Variants in ZZEF1 observed in about 807,000 individuals in gnomAD.
ZZEF1 encodes zinc finger ZZ-type and EF-hand domain containing 1, also known as zinc finger ZZ-type and EF-hand domain-containing protein 1.
ZZEF1 carries 157 observed loss-of-function variants against 342.8 expected under a neutral mutation model. The observed-to-expected ratio is 0.46, with a 90% confidence interval of 0.40 to 0.52. ZZEF1 has a LOEUF of 0.52. ZZEF1 is among the 20% of genes least tolerant of loss of function. The probability of loss-of-function intolerance (pLI) is 0.00; values close to 1 mark genes in which losing one functional copy is unlikely to be tolerated. For missense variants in ZZEF1, 3,480 were observed against 3,725.6 expected, an observed-to-expected ratio of 0.93 and a Z score of 1.72; for synonymous variants, 1,505 against 1,429.1, an observed-to-expected ratio of 1.05 and a Z score of -1.20.
intron 3 of ZZEF1, 99 bp downstream of exon 3, chr17:4,116,873 C>T: frequency 3.1e-6 from 4 of 1,275,722 alleles, no homozygotes; most frequent in Non-Finnish European, 4.3e-6. Context: ...TCTGTATTTT[C>T]AGAAATGAAG....
chr17:4,021,377 C>T, intron 44 of ZZEF1, 57 bp from the exon 45 acceptor site: 2 of 1,422,542 alleles, frequency 1.4e-6, no homozygotes, highest in Non-Finnish European at 1.9e-6. Flanking sequence ...GAAGATGGTA[C>T]AGTCCTTTAA....
chr17:4,095,869 T>C lies in ZZEF1; in HGVS notation c.1875A>G (p.Lys625=), dbSNP rs759908141. 2.5e-6 allele frequency: 4 copies of C among 1,613,524 alleles called. No individual in the cohort carries two copies. The highest frequency in any genetic ancestry group is 3.4e-6 in the Non-Finnish European group (4 of 1,179,678). Residue 625 remains lysine, a synonymous_variant, in exon 11 of 55, where the codon AAA becomes AAG. Transcript: ENST00000381638. ...ATTGCCTGAGCTCCTGAAGCTTCCA[T>C]TTGTCATATTTTTCAAACCTTTTGA... ...EHFKRFEKYD[K]WKLQELRQFV... is the part of the protein sequence containing the mutation.
chr17:4,114,159 C>G (rs2058357310), intron 4 of ZZEF1, 140 bp downstream of exon 4: 1 of 565,558 alleles, frequency 1.8e-6, no homozygotes, highest in African/African-American at 1.9e-5. Flanking sequence ...AATATATAAG[C>G]CAGGTTACAT....
rs1156874962 is a variant in ZZEF1 at position 4,005,337 on chromosome 17, G to C, written c.*1553C>G. ...CAGCACCTGCCTATTCAGGTCCCAA[G>C]CCACAGGAACCAGGCCAGGCCTTTC... On this transcript the variant is annotated 3_prime_UTR_variant, in exon 55 of 55. Transcript: ENST00000381638. 1 of 152,422 alleles carries C rather than the reference G, an allele frequency of 6.6e-6. No homozygotes were observed. Among genetic ancestry groups the C allele is most frequent in the Non-Finnish European group, 1.5e-5 (1 of 68,192 alleles). The allele number at this position is 152,422 out of a possible 1,614,324, so 9.4% of individuals were successfully genotyped here.
chr17:4,078,085 A>G (rs2057657781), intron 18 of ZZEF1, 43 bp from the exon 19 acceptor site: 1 of 1,591,628 alleles, frequency 6.3e-7, no homozygotes, highest in Non-Finnish European at 8.6e-7. Flanking sequence ...TGACAAGGCC[A>G]TTCACAGAGC....
At chr17:4,082,415 T>C in intron 17 of ZZEF1, 22 bp downstream of exon 17, 2 of 1,612,872 alleles carry the variant, frequency 1.2e-6, no homozygotes, top group Non-Finnish European at 1.7e-6. Context: ...TATCCGACAA[T>C]TAAAAAGAAC....
rs908526626 is a variant in ZZEF1 at position 4,050,005 on chromosome 17, C to A, written c.5864-146G>T. 1.2e-5 allele frequency: 10 copies of A among 854,950 alleles called. No individual in the cohort carries two copies. In the African/African-American group the frequency reaches 1.6e-4, roughly 13 times the overall value. 53.0% of individuals were successfully genotyped at this position (854,950 alleles called of 1,614,324 possible). On this transcript the variant is annotated intron_variant, in intron 36 of 54. Transcript: ENST00000381638. The stretch of plus-strand genomic sequence containing the variant: ...ATCCTAGAGGACTCAACGTGAACAT[C>A]CCTCGCTGTCTAAATCTACTCAGCT...
chr17:4,119,394 T>C (rs955837523), intron 2 of ZZEF1, among the ~76,000 whole-genome samples: 18 of 152,216 alleles, frequency 1.2e-4, no homozygotes, highest in African/African-American at 4.3e-4. Flanking sequence ...GTTTCTGATT[T>C]ACTATTTTTC....
chr17:4,036,149 T>A (rs2056657893), intron 39 of ZZEF1, among the ~76,000 whole-genome samples: 1 of 151,086 alleles, frequency 6.6e-6, no homozygotes, highest in Non-Finnish European at 1.5e-5. Context: ...AGCAGAGATG[T>A]GAGACTGATC....
chr17:4,055,126 G>T (rs908106029), intron 33 of ZZEF1, among the ~76,000 whole-genome samples: 2 of 152,164 alleles, frequency 1.3e-5, no homozygotes, highest in East Asian at 1.9e-4. Flanking sequence ...TGCTTTACTG[G>T]AAAGTACTTG....
intron 44 of ZZEF1, 149 bp downstream of exon 44, chr17:4,022,560 A>G (rs765635085): frequency 6.5e-6 from 7 of 1,072,564 alleles, no homozygotes; most frequent in Non-Finnish European, 9.4e-6. Flanking sequence ...CCTATTTCCA[A>G]CAGGGAATAC....
intron 45 of ZZEF1, among the ~76,000 whole-genome samples, chr17:4,020,219 C>CA (rs1224174677): frequency 1.3e-5 from 2 of 152,132 alleles, no homozygotes; most frequent in Non-Finnish European, 2.9e-5. Flanking sequence ...ACTGAGTACC[C>CA]AAAAGCGTAG....
At position 4,034,660 on chromosome 17, in the gene ZZEF1, T is replaced by C. The variant is rs546293514; in HGVS notation, c.6307-368A>G. On this transcript the variant is annotated intron_variant, in intron 39 of 54. Coordinates refer to ENST00000381638, the MANE Select transcript of ZZEF1 (RefSeq NM_015113.4). ...GATAACAACTGTTAAGTGTGATGAA[T>C]AGTCTTTCAACCTTTTTCTATGCAT... Among the ~76,000 whole-genome samples, 8 of 152,316 alleles carry C rather than the reference T, an allele frequency of 5.3e-5. No homozygotes were observed. In the South Asian group the frequency reaches 1.2e-3, roughly 24 times the overall value.
chr17:4,098,477 A>G (rs1293211954), intron 9 of ZZEF1, among the ~76,000 whole-genome samples: 2 of 152,220 alleles, frequency 1.3e-5, no homozygotes, highest in Admixed American at 6.5e-5. Context: ...GTGTTCACTT[A>G]TATTTGTATG....
chr17:4,082,180 A>G (rs372355186), intron 17 of ZZEF1, among the ~76,000 whole-genome samples: 5 of 152,212 alleles, frequency 3.3e-5, no homozygotes, highest in Admixed American at 3.3e-4. Context: ...GTTGTTAAAC[A>G]TTACTTGGAA....
At position 4,016,978 on chromosome 17, in the gene ZZEF1, C is replaced by CCT. The variant is rs2056120196; in HGVS notation, c.8001+391_8001+392dup. On this transcript the variant is annotated intron_variant, in intron 48 of 54. Coordinates refer to ENST00000381638, the MANE Select transcript of ZZEF1 (RefSeq NM_015113.4). This position sits in a 1 kb window ranked among gnomAD's most constrained non-coding sequence, Gnocchi z 4.4. ...GCAGGGCTGCAAGGCCGGGAAAAGACCTCGAGGTCTGGTGGTGTTCTCAGA... is the reference window on the plus strand; with the variant it reads ...GCAGGGCTGCAAGGCCGGGAAAAGACCTCTCGAGGTCTGGTGGTGTTCTCAGA... The CCT allele has an allele frequency of 5.0e-6, 1 of 201,706 alleles. No homozygotes were observed. The highest frequency in any genetic ancestry group is 2.3e-5 in the African/African-American group (1 of 43,050). 12.5% of individuals were successfully genotyped at this position (201,706 alleles called of 1,614,324 possible).
In ZZEF1 at chr17:4,016,675, C is replaced by T. The variant is rs2144954521; in HGVS notation, c.8002-209G>A. On this transcript the variant is annotated intron_variant, in intron 48 of 54. Coordinates refer to ENST00000381638, the MANE Select transcript of ZZEF1 (RefSeq NM_015113.4). The surrounding 1 kb of genome is among the most constrained non-coding windows in gnomAD (Gnocchi z 4.4). ...GTCAATCAGGACACTGCAGTCCTTTCAGAATGATGCTACTTAGAGGTGGTC... is the reference window on the plus strand; with the variant it reads ...GTCAATCAGGACACTGCAGTCCTTTTAGAATGATGCTACTTAGAGGTGGTC... 1.8e-6 allele frequency: 1 copy of T among 547,942 alleles called. No homozygotes were observed. Among genetic ancestry groups the T allele is most frequent in the South Asian group, 2.6e-5 (1 of 37,746 alleles). The allele number at this position is 547,942 out of a possible 1,614,324, so 33.9% of individuals were successfully genotyped here.
chr17:4,113,140 C>G (rs2058341711), intron 4 of ZZEF1, among the ~76,000 whole-genome samples: 1 of 152,226 alleles, frequency 6.6e-6, no homozygotes, highest in African/African-American at 2.4e-5. Flanking sequence ...TGAGTATACT[C>G]TCTCATCTAT....
intron 36 of ZZEF1, 125 bp downstream of exon 36, chr17:4,050,656 A>G: frequency 7.3e-7 from 1 of 1,369,540 alleles, no homozygotes; most frequent in East Asian, 2.3e-5. Flanking sequence ...ACACCAGGGT[A>G]AGCCCCTTTT....
Sources: gnomAD v4.1 joint callset for allele counts (sites outside exome capture counted in the v4.1 genomes callset) on GRCh38, gnomAD v4.1.1 for gene constraint, Gnocchi (gnomAD v3.1) non-coding constraint, MANE v1.5 for transcripts, NCBI Gene and HGNC (gene_info 2026-07-23, HGNC 2026-07-21) for gene names.